The following CHCHD3 variants were observed in gnomAD, a reference collection of about 807,000 sequenced individuals.
CHCHD3 encodes the protein coiled-coil-helix-coiled-coil-helix domain containing 3.
CHCHD3 carries 20 observed loss-of-function variants against 38.2 expected under a neutral mutation model. The ratio of observed to expected loss-of-function variants is 0.52; its 90% confidence interval spans 0.37 to 0.76. The LOEUF is 0.76. Ranked by LOEUF, CHCHD3 falls within the 30% of genes least tolerant of loss-of-function variation. CHCHD3 has a pLI of 0.00. For synonymous variants in CHCHD3, 82 were observed against 100.0 expected, an observed-to-expected ratio of 0.82 and a Z score of 1.07; for missense variants, 245 against 279.2, an observed-to-expected ratio of 0.88 and a Z score of 0.87.
intron 3 of CHCHD3, among the ~76,000 whole-genome samples, chr7:133,016,046 C>T (rs569836757): frequency 2.0e-5 from 3 of 152,210 alleles, no homozygotes; most frequent in African/African-American, 4.8e-5. Flanking sequence ...CATTAGAAAC[C>T]ACACCCATGA....
intron 4 of CHCHD3, among the ~76,000 whole-genome samples, chr7:132,886,598 T>C (rs58079113): frequency 0.021 from 3,171 of 151,716 alleles, 138 homozygotes; most frequent in African/African-American, 0.072. Flanking sequence ...GCTGAATATA[T>C]GCCTGACTAC....
chr7:132,899,827 A>T (rs1418090600), intron 4 of CHCHD3, among the ~76,000 whole-genome samples: 1 of 151,964 alleles, frequency 6.6e-6, no homozygotes, highest in African/African-American at 2.4e-5. Flanking sequence ...AATATCTAAG[A>T]CCCCTCTAAC....
intron 2 of CHCHD3, among the ~76,000 whole-genome samples, chr7:133,062,097 T>A (rs74984562): frequency 7.3e-6 from 1 of 136,486 alleles, no homozygotes; most frequent in East Asian, 2.0e-4. Context: ...TACTTTTAAA[T>A]TTTTTTTTTT....
At chr7:132,814,357 C>T (rs1019316964) in intron 6 of CHCHD3, among the ~76,000 whole-genome samples, 1 of 152,172 alleles carries the variant, frequency 6.6e-6, no homozygotes, top group African/African-American at 2.4e-5. Flanking sequence ...CCTTCCCCTA[C>T]CCCATACTCC....
intron 4 of CHCHD3, among the ~76,000 whole-genome samples, chr7:132,900,170 G>A (rs546182195): frequency 3.6e-4 from 7 of 19,402 alleles, no homozygotes; most frequent in African/African-American, 1.7e-3. Context: ...ACTCAAATAG[G>A]TAAGATTGGG....
At chr7:132,801,601 C>G (rs1332806564) in intron 6 of CHCHD3, among the ~76,000 whole-genome samples, 1 of 152,204 alleles carries the variant, frequency 6.6e-6, no homozygotes, top group East Asian at 1.9e-4. Context: ...GGAATGCCAA[C>G]CTGGACATCA....
At chr7:133,024,784 A>G (rs907215442) in intron 2 of CHCHD3, among the ~76,000 whole-genome samples, 157 bp from the exon 3 acceptor site, 1 of 152,216 alleles carries the variant, frequency 6.6e-6, no homozygotes, top group Admixed American at 6.5e-5. Context: ...CACTGTGGAA[A>G]AGGCCAATTA....
chr7:133,013,146 C>T (rs187481172), intron 3 of CHCHD3, among the ~76,000 whole-genome samples: 367 of 145,272 alleles, frequency 2.5e-3, no homozygotes, highest in African/African-American at 8.3e-3. Context: ...AGATCACACC[C>T]CTGCACTCCA....
chr7:132,937,209 T>C (rs1037677677), intron 4 of CHCHD3, among the ~76,000 whole-genome samples: 6 of 152,124 alleles, frequency 3.9e-5, no homozygotes, highest in African/African-American at 1.2e-4. Flanking sequence ...CTTTGATAAA[T>C]ATGAGAGGTT....
intron 4 of CHCHD3, among the ~76,000 whole-genome samples, chr7:132,971,653 G>A (rs1018411871): frequency 8.0e-5 from 12 of 150,108 alleles, no homozygotes; most frequent in African/African-American, 2.8e-4. Context: ...GGTGGGAATC[G>A]TTTTATTTCA....
At chr7:132,920,508 C>A (rs1810233855) in intron 4 of CHCHD3, among the ~76,000 whole-genome samples, 1 of 152,180 alleles carries the variant, frequency 6.6e-6, no homozygotes, top group South Asian at 2.1e-4. Flanking sequence ...TTTAAATACA[C>A]TATTCATTCG....
intron 4 of CHCHD3, among the ~76,000 whole-genome samples, chr7:132,965,087 T>TGTG (rs1554395049): frequency 1.4e-5 from 1 of 72,352 alleles, no homozygotes; most frequent in South Asian, 5.4e-4. Flanking sequence ...GTGTGTGTGT[T>TGTG]TTACTTCCTG....
chr7:133,018,212 G>A (rs1199755016), intron 3 of CHCHD3, among the ~76,000 whole-genome samples: 1 of 152,160 alleles, frequency 6.6e-6, no homozygotes, highest in African/African-American at 2.4e-5. Context: ...TGGAAATAAT[G>A]CCAACAAACC....
Position 132,785,482 on chromosome 7 carries a change from C to T in CHCHD3, c.*155G>A, listed in dbSNP as rs141671642. 1,149 of 740,830 alleles carry T rather than the reference C, an allele frequency of 1.6e-3. 11 individuals are homozygous for T. In the African/African-American group the frequency reaches 0.018, roughly 12 times the overall value. 45.9% of individuals were successfully genotyped at this position (740,830 alleles called of 1,614,324 possible). Reference sequence around the variant, plus strand: ...CCCTTCAAACTGCTGCTGTTCAAAACGTGAAATGATTCTGCTGAATCCATT... The same window carrying T: ...CCCTTCAAACTGCTGCTGTTCAAAATGTGAAATGATTCTGCTGAATCCATT... On this transcript the variant is annotated 3_prime_UTR_variant, in exon 8 of 8. Transcript: ENST00000262570.
In CHCHD3 at chr7:133,073,505, G is replaced by A. The variant is rs1362109423; in HGVS notation, c.82-3276C>T. On this transcript the variant is annotated intron_variant, in intron 1 of 7. Coordinates refer to ENST00000262570, the MANE Select transcript of CHCHD3 (RefSeq NM_017812.4). ...CCTCACACCCAAAGTGTCCAAAATT[G>A]ATCTCACGTTTGCCGCATATCTCCT... Among the ~76,000 whole-genome samples the A allele has an allele frequency of 3.3e-5, 5 of 152,008 alleles. No individual in the cohort carries two copies. The East Asian group carries it at 9.7e-4, about 29-fold the overall frequency.
In CHCHD3 at chr7:132,844,787, G is replaced by C. The variant is rs557273043; in HGVS notation, c.454-6318C>G. Among the ~76,000 whole-genome samples the C allele has an allele frequency of 2.6e-3, 396 of 152,220 alleles. 4 individuals carry two copies. The highest frequency in any genetic ancestry group is 9.1e-3 in the African/African-American group (377 of 41,516). ...AGATAAGCCAAGTAAGCTCCTAGGA[G>C]GTAAACTATATCTAAAACAACAATA... On this transcript the variant is annotated intron_variant, in intron 5 of 7. Transcript: ENST00000262570.
In CHCHD3 at chr7:133,035,364, T is replaced by C. The variant is rs1212609890; in HGVS notation, c.170-10737A>G. On this transcript the variant is annotated intron_variant, in intron 2 of 7. Coordinates refer to ENST00000262570, the MANE Select transcript of CHCHD3 (RefSeq NM_017812.4). The surrounding 1 kb of genome is among the most constrained non-coding windows in gnomAD (Gnocchi z 4.7). The stretch of plus-strand genomic sequence containing the variant: ...GCAGGTGAGGAACCAGCGGTTGGTA[T>C]TGCGAAAGGCCCGGCGGAAAGAAGG... The C allele has an allele frequency of 6.2e-6, 10 of 1,612,888 alleles. No homozygotes were observed. The highest frequency in any genetic ancestry group is 5.0e-5 in the Admixed American group (3 of 59,990).
At chr7:132,964,305 G>T (rs558609061) in intron 4 of CHCHD3, among the ~76,000 whole-genome samples, 2 of 152,218 alleles carry the variant, frequency 1.3e-5, no homozygotes, top group Admixed American at 1.3e-4. Context: ...AGAGTAGGCC[G>T]GGCACAGTGG....
chr7:132,980,254 T>G (rs1200452219), intron 3 of CHCHD3, among the ~76,000 whole-genome samples: 1 of 152,214 alleles, frequency 6.6e-6, no homozygotes, highest in African/African-American at 2.4e-5. Context: ...AGGCAGGACT[T>G]TATATGTAAA....
Sources: allele counts gnomAD v4.1 joint callset (sites outside exome capture counted in the v4.1 genomes callset), GRCh38; gene constraint gnomAD v4.1.1; non-coding constraint Gnocchi (gnomAD v3.1); transcripts MANE v1.5; gene names NCBI Gene and HGNC (gene_info 2026-07-23, HGNC 2026-07-21).